TAOK1: variants seen among roughly 807,000 people sequenced by gnomAD.
The protein encoded by TAOK1 is serine/threonine-protein kinase TAO1.
In TAOK1, 21 loss-of-function variants were observed where a neutral mutation model predicts 138.3. That is an observed-to-expected ratio of 0.15 (90% confidence interval 0.11 to 0.22). The LOEUF is 0.22. Among genes scored for constraint, TAOK1 ranks in the 10% least tolerant of loss-of-function variants. The pLI is 1.00. For synonymous variants in TAOK1, 361 were observed against 398.4 expected, an observed-to-expected ratio of 0.91 and a Z score of 1.12; for missense variants, 651 against 1,227.7, an observed-to-expected ratio of 0.53 and a Z score of 7.02.
chr17:29,474,966 G>T (rs1209193028), intron 3 of TAOK1, among the ~76,000 whole-genome samples: 1 of 152,076 alleles, frequency 6.6e-6, no homozygotes, highest in Non-Finnish European at 1.5e-5. Flanking sequence ...TTGAGACCGA[G>T]TTTCGCTCTG....
At chr17:29,465,124 T>A (rs1468666997) in intron 2 of TAOK1, among the ~76,000 whole-genome samples, 1 of 144,386 alleles carries the variant, frequency 6.9e-6, no homozygotes, top group Non-Finnish European at 1.5e-5. Context: ...CCTGGTCTTA[T>A]TTAATTTTTT....
intron 4 of TAOK1, among the ~76,000 whole-genome samples, chr17:29,476,962 A>G (rs964852641): frequency 6.6e-6 from 1 of 151,740 alleles, no homozygotes; most frequent in Admixed American, 6.6e-5. Context: ...TCTCCTGCCT[A>G]AGCTTCCCGA....
intron 16 of TAOK1, among the ~76,000 whole-genome samples, chr17:29,520,169 A>G (rs2031889246): frequency 6.7e-6 from 1 of 149,750 alleles, no homozygotes; most frequent in South Asian, 2.1e-4. Flanking sequence ...CGACAGAGTG[A>G]GACTCTGTCT....
rs1278178448 is a variant in TAOK1 at position 29,549,126 on chromosome 17, A to G, written c.*6104A>G. 1 of 152,204 alleles carries G rather than the reference A, an allele frequency of 6.6e-6. No homozygotes were observed. Among genetic ancestry groups the G allele is most frequent in the South Asian group, 2.1e-4 (1 of 4,836 alleles). 9.4% of individuals were successfully genotyped at this position (152,204 alleles called of 1,614,324 possible). ...TATTGGGCTCTTTAACTGAATTTTC[A>G]AATGAAATGAACTATGCTTATTGCT... On this transcript the variant is annotated 3_prime_UTR_variant, in exon 20 of 20. Coordinates refer to ENST00000261716, the MANE Select transcript of TAOK1 (RefSeq NM_020791.4).
chr17:29,470,824 T>C (rs1022498803), intron 3 of TAOK1, among the ~76,000 whole-genome samples: 3 of 152,168 alleles, frequency 2.0e-5, no homozygotes, highest in Non-Finnish European at 4.4e-5. Context: ...GCCCAGTGCA[T>C]ATGAAAATTA....
chr17:29,456,237 A>C (rs2030373108), intron 2 of TAOK1, among the ~76,000 whole-genome samples: 1 of 149,852 alleles, frequency 6.7e-6, no homozygotes, highest in Non-Finnish European at 1.5e-5. Flanking sequence ...AGTCCCAGCT[A>C]CTCGGGGAAC....
chr17:29,506,672 T>C lies in TAOK1; in HGVS notation c.1339-1224T>C, dbSNP rs576383741. On this transcript the variant is annotated intron_variant, in intron 13 of 19. Coordinates refer to ENST00000261716, the MANE Select transcript of TAOK1 (RefSeq NM_020791.4). Reference sequence around the variant, plus strand: ...TGATGGATATGTTAGATTGATTTAATTTAATATGTTGAATACATATATCAG... The same window carrying C: ...TGATGGATATGTTAGATTGATTTAACTTAATATGTTGAATACATATATCAG... Among the ~76,000 whole-genome samples, 1,144 of 152,126 alleles carry C rather than the reference T, an allele frequency of 7.5e-3. 43 individuals carry two copies. Among genetic ancestry groups the C allele is most frequent in the East Asian group, 0.061 (315 of 5,176 alleles).
At chr17:29,467,049 T>C (rs557935922) in intron 2 of TAOK1, 96 bp from the exon 3 acceptor site, 4 of 832,680 alleles carry the variant, frequency 4.8e-6, no homozygotes, top group Admixed American at 2.7e-5. Context: ...CTTTTTGACA[T>C]GGTAGTTTAC....
intron 8 of TAOK1, among the ~76,000 whole-genome samples, chr17:29,482,716 A>G (rs1170411613): frequency 1.3e-5 from 2 of 151,854 alleles, no homozygotes; most frequent in Admixed American, 1.3e-4. Flanking sequence ...CCATTTTGTA[A>G]CAGTTTGATA....
intron 1 of TAOK1, among the ~76,000 whole-genome samples, chr17:29,397,647 T>TTCATGTATGATACATGTATACACGTATAC (rs1384681685): frequency 5.0e-4 from 31 of 61,590 alleles, no homozygotes; most frequent in African/African-American, 2.0e-3. Context: ...TACATGTATA[T>TTCATGTATGATACATGTATACACGTATAC]ATGTATATTC....
intron 2 of TAOK1, among the ~76,000 whole-genome samples, chr17:29,452,034 G>A (rs1449197833): frequency 6.6e-6 from 1 of 151,976 alleles, no homozygotes; most frequent in Non-Finnish European, 1.5e-5. Flanking sequence ...TGGGCAACAT[G>A]GTGAAACCCT....
chr17:29,394,793 TC>T (rs556814611), intron 1 of TAOK1, among the ~76,000 whole-genome samples: 37 of 152,296 alleles, frequency 2.4e-4, no homozygotes, highest in Non-Finnish European at 4.3e-4. Flanking sequence ...ACGAATCCCT[TC>T]AAAAAAGTGT....
At chr17:29,490,340 A>G (rs2031273511) in intron 9 of TAOK1, among the ~76,000 whole-genome samples, 1 of 152,130 alleles carries the variant, frequency 6.6e-6, no homozygotes, top group Non-Finnish European at 1.5e-5. Context: ...CAGATTGACA[A>G]TTTTAGAAAA....
chr17:29,542,939 G>A lies in TAOK1; in HGVS notation c.2923G>A (p.Gly975Arg), dbSNP rs1465215301. 6.2e-7 allele frequency: 1 copy of A among 1,613,628 alleles called. No individual in the cohort carries two copies. The highest frequency in any genetic ancestry group is 1.7e-5 in the Admixed American group (1 of 59,954). The change falls in exon 20 of 20, where the codon GGG becomes AGG. Residue 975 changes from glycine (G) to arginine (R), a missense_variant. This residue lies in a region of TAOK1 where 108 missense variants were observed against 120.3 expected (regional missense o/e 0.90). Coordinates refer to ENST00000261716, the MANE Select transcript of TAOK1 (RefSeq NM_020791.4). ...CCAGGCTCTGAGGCGGACAGCTTCT[G>A]GGGGACGGACGGAGCAGGGCATGAG... ...SPQALRRTAS[G>R]GRTEQGMSRS...
rs537204996 is a variant in TAOK1 at position 29,530,354 on chromosome 17, T to C, written c.2149-53T>C. The C allele has an allele frequency of 1.7e-5, 26 of 1,508,364 alleles. No homozygotes were observed. In the South Asian group the frequency reaches 2.8e-4, roughly 16 times the overall value. 93.4% of individuals were successfully genotyped at this position (1,508,364 alleles called of 1,614,324 possible). On this transcript the variant is annotated intron_variant, in intron 17 of 19. Transcript: ENST00000261716. ...TTTTCATGTATGTAAGCATACCATA[T>C]ACCAAATGCCTTTCGTTACAACTTA...
chr17:29,479,050 G>A (rs752406508), intron 6 of TAOK1, among the ~76,000 whole-genome samples: 1 of 152,084 alleles, frequency 6.6e-6, no homozygotes, highest in Non-Finnish European at 1.5e-5. Flanking sequence ...ACTTGAGCCC[G>A]GGAGGCGGAG....
intron 1 of TAOK1, among the ~76,000 whole-genome samples, chr17:29,445,705 AT>A (rs2030059619): frequency 6.6e-6 from 1 of 151,986 alleles, no homozygotes; most frequent in East Asian, 1.9e-4. Flanking sequence ...GCTGAATTTA[AT>A]TTGCTAATTT....
At position 29,475,747 on chromosome 17, in the gene TAOK1, T is replaced by C. The variant is rs1435491369; in HGVS notation, c.282T>C (p.Cys94=). 3.7e-6 allele frequency: 6 copies of C among 1,612,930 alleles called. No homozygotes were observed. The South Asian group carries it at 6.6e-5, about 18-fold the overall frequency. Residue 94 remains cysteine (C), a synonymous_variant, in exon 4 of 20, where the codon TGT becomes TGC. Coordinates refer to ENST00000261716, the MANE Select transcript of TAOK1 (RefSeq NM_020791.4). ...CCAACAGTATAGAATACAAAGGCTG[T>C]TATTTACGTGAACACACAGCATGGG... is the stretch of plus-strand genomic sequence containing the variant. The part of the protein sequence containing the change: ...KHPNSIEYKG[C]YLREHTAWLV...
intron 8 of TAOK1, among the ~76,000 whole-genome samples, chr17:29,489,360 T>C (rs1463544914): frequency 1.3e-5 from 2 of 152,074 alleles, no homozygotes; most frequent in Non-Finnish European, 2.9e-5. Context: ...TAATTGGGCA[T>C]GGTGGTGCAC....
Sources: gnomAD v4.1 joint callset for allele counts (sites outside exome capture counted in the v4.1 genomes callset) on GRCh38, gnomAD v4.1.1 for gene constraint, gnomAD v4.1.1 regional missense constraint, MANE v1.5 for transcripts, NCBI Gene and HGNC (gene_info 2026-07-23, HGNC 2026-07-21) for gene names.